ANKRD26: variants seen among roughly 807,000 people sequenced by gnomAD.
ANKRD26 encodes the protein ankyrin repeat domain 26.
In ANKRD26, 141 loss-of-function variants were observed where a neutral mutation model predicts 208.7. The observed-to-expected ratio is 0.68, with a 90% CI of 0.59 to 0.78. ANKRD26 has a LOEUF of 0.78. ANKRD26 is among the 30% of genes least tolerant of loss of function. The pLI, the probability that ANKRD26 is intolerant of heterozygous loss-of-function variation, is 0.00. For missense variants in ANKRD26, 1,889 were observed against 1,938.7 expected (o/e 0.97, Z 0.48); for synonymous variants, 636 against 660.4 (o/e 0.96, Z 0.57).
chr10:27,079,984 T>C (rs1391819028), intron 6 of ANKRD26: 3 of 286,038 alleles, frequency 1.0e-5, no homozygotes, highest in South Asian at 2.7e-5. Flanking sequence ...AGTGAAACTC[T>C]GTCTCTACTA....
chr10:26,977,025 A>G (rs79052675), intron 5 of ANKRD26, among the ~76,000 whole-genome samples: 3,246 of 152,260 alleles, frequency 0.021, 122 homozygotes, highest in African/African-American at 0.073. Context: ...GCAGTTTGGC[A>G]TTTATCAAAC....
At position 27,100,105 on chromosome 10, in the gene ANKRD26, G is replaced by A. The variant is rs2056598572; in HGVS notation, c.222C>T (p.Asn74=). Residue 74 remains asparagine (N), a synonymous_variant, in exon 1 of 34, where the codon AAC becomes AAT. Transcript: ENST00000376087. ...ATTACCTGTTCATCTTGTCTCTATCGTTCAAGCCATTCTTCCTGAGCAAAA... is the reference window on the plus strand; with the variant it reads ...ATTACCTGTTCATCTTGTCTCTATCATTCAAGCCATTCTTCCTGAGCAAAA... ...QILLLRKNGL[N]DRDKMNRTAL... 4 of 1,614,030 alleles carry A rather than the reference G, an allele frequency of 2.5e-6. No homozygotes were observed. Among genetic ancestry groups the A allele is most frequent in the East Asian group, 2.2e-5 (1 of 44,882 alleles).
At chr10:27,032,776 CT>C (rs1281859077) in intron 25 of ANKRD26, among the ~76,000 whole-genome samples, 1 of 151,796 alleles carries the variant, frequency 6.6e-6, no homozygotes, top group Non-Finnish European at 1.5e-5. Context: ...GACAGTGCCA[CT>C]GTACTCCAGC....
intron 11 of ANKRD26, among the ~76,000 whole-genome samples, chr10:27,065,809 A>C (rs921889833): frequency 2.0e-5 from 3 of 149,224 alleles, no homozygotes; most frequent in Non-Finnish European, 3.0e-5. Flanking sequence ...TCATCCATAC[A>C]TAACACAGAA....
Position 27,038,054 on chromosome 10 carries a change from T to A in ANKRD26, c.2376A>T (p.Arg792Ser). The A allele has an allele frequency of 6.2e-7, 1 of 1,607,656 alleles. No individual in the cohort carries two copies. Among genetic ancestry groups the A allele is most frequent in the Non-Finnish European group, 8.5e-7 (1 of 1,178,574 alleles). Residue 792 changes from arginine (R) to serine (S), a missense_variant and splice_region_variant, in exon 22 of 34, where the codon AGA becomes AGT. Physicochemically the swap from Arg to Ser is moderately radical, Grantham distance 110. Around this residue, in one of 3 missense-constraint regions of ANKRD26, gnomAD observed 1,272 missense variants for 1,273.8 expected, o/e 1.00. Coordinates refer to ENST00000376087, the MANE Select transcript of ANKRD26 (RefSeq NM_014915.3). ...TCTCTTCTTCTTGGTTTAAGCTAAA[T>A]CTGCAGTTAAATATGTTTATCTTAA... ...VEWERELCSL[R>S]FSLNQEEEKR...
chr10:26,994,349 T>A (rs989942452), intron 5 of ANKRD26, among the ~76,000 whole-genome samples: 3 of 152,200 alleles, frequency 2.0e-5, no homozygotes, highest in Non-Finnish European at 4.4e-5. Context: ...TCCAATAATA[T>A]TGTTTACACC....
At chr10:26,951,008 CTTTTCT>C in the ANKRD26 span, among the ~76,000 whole-genome samples, 7 of 62,694 alleles carry the variant, frequency 1.1e-4, no homozygotes, top group East Asian at 1.7e-3. Context: ...TTTTTCTTTT[CTTTTCT>C]TTTTCTTTTT....
At chr10:26,994,928 C>T in intron 5 of ANKRD26, 1 of 375,588 alleles carries the variant, frequency 2.7e-6, no homozygotes. Flanking sequence ...GCTACTTCAG[C>T]TGATCTGCCT....
At chr10:26,949,285 C>A in the ANKRD26 span, among the ~76,000 whole-genome samples, 3 of 152,176 alleles carry the variant, frequency 2.0e-5, no homozygotes, top group East Asian at 5.8e-4. Context: ...TACATGTCCT[C>A]ATTTTTTTGG....
chr10:27,005,213 C>A lies in ANKRD26; in HGVS notation c.*377G>T. 1.0e-6 allele frequency: 1 copy of A among 998,998 alleles called. No homozygotes were observed. The highest frequency in any genetic ancestry group is 1.2e-6 in the Non-Finnish European group (1 of 838,712). 61.9% of individuals were successfully genotyped at this position (998,998 alleles called of 1,614,324 possible). ...AATACATCCAAACATGAACAATGAC[C>A]ACAGTTCCTGCACAACAAAATGATG... is the stretch of plus-strand genomic sequence containing the variant. On this transcript the variant is annotated 3_prime_UTR_variant, in exon 34 of 34. Transcript: ENST00000376087.
chr10:26,960,845 C>T, the ANKRD26 span, among the ~76,000 whole-genome samples: 2 of 152,136 alleles, frequency 1.3e-5, no homozygotes, highest in Non-Finnish European at 2.9e-5. Context: ...TGAAGTTACC[C>T]TTCCTGCAGA....
chr10:27,079,126 G>A lies in ANKRD26; in HGVS notation c.776C>T (p.Pro259Leu). The stretch of plus-strand genomic sequence containing the variant: ...ATTGAGGTCTTCGTCATCTGAGGTA[G>A]GCCATGAATCATCAACACCCGGTTT... ...SGKPGVDDSW[P>L]TSDDEDLNFD... is the part of the protein sequence containing the mutation. Residue 259 changes from proline to leucine, a missense_variant, in exon 7 of 34, where the codon CCT becomes CTT. By Grantham distance (98) the Pro-to-Leu change is moderately conservative (BLOSUM62 -3). Transcript: ENST00000376087. 6.2e-7 allele frequency: 1 copy of A among 1,613,798 alleles called. No individual in the cohort carries two copies. The highest frequency in any genetic ancestry group is 1.1e-5 in the South Asian group (1 of 91,076).
chr10:26,978,327 G>A (rs7921708), intron 5 of ANKRD26, among the ~76,000 whole-genome samples: 11,673 of 151,946 alleles, frequency 0.077, 1,444 homozygotes, highest in African/African-American at 0.26. Flanking sequence ...ATGGTGGCAC[G>A]TGCCTGTAGT....
chr10:27,061,689 C>T (rs534059416), intron 12 of ANKRD26, among the ~76,000 whole-genome samples: 2 of 151,520 alleles, frequency 1.3e-5, no homozygotes, highest in African/African-American at 4.8e-5. Context: ...GCCTTAGCCT[C>T]CTGAACAGCC....
chr10:27,005,617 C>A lies in ANKRD26; in HGVS notation c.5106G>T (p.Gln1702His). Residue 1702 changes from glutamine to histidine, a missense_variant, in exon 34 of 34, where the codon CAG becomes CAT. Physicochemically the swap from Gln to His is conservative, Grantham distance 24. This residue lies in a region of ANKRD26 where 613 missense variants were observed against 648.2 expected (regional missense o/e 0.95). Transcript: ENST00000376087. ...AGATCATATAATTTTTCTTTAAAACCTGTACATATTCTCTTGATGCTTTCC... is the reference window on the plus strand; with the variant it reads ...AGATCATATAATTTTTCTTTAAAACATGTACATATTCTCTTGATGCTTTCC... ...LVWKASREYV[Q>H]VLKKNYMI 1 of 1,612,268 alleles carries A rather than the reference C, an allele frequency of 6.2e-7. No homozygotes were observed. Among genetic ancestry groups the A allele is most frequent in the Non-Finnish European group, 8.5e-7 (1 of 1,179,056 alleles).
At chr10:27,002,769 C>T (rs148987515), downstream of ANKRD26, among the ~76,000 whole-genome samples, 5 of 152,186 alleles carry the variant, frequency 3.3e-5, no homozygotes, top group Admixed American at 6.5e-5. Context: ...TTTTTGAACA[C>T]AAAAATAGTG....
chr10:27,059,242 G>A (rs997639471), intron 15 of ANKRD26, among the ~76,000 whole-genome samples: 5 of 152,024 alleles, frequency 3.3e-5, no homozygotes, highest in East Asian at 1.9e-4. Context: ...TTGTTTATCC[G>A]AATGAAGAGA....
intron 28 of ANKRD26, among the ~76,000 whole-genome samples, chr10:27,023,442 AAGT>A: frequency 6.6e-6 from 1 of 151,962 alleles, no homozygotes. Context: ...ATAAGAAGAA[AAGT>A]ACAAAAAAAA....
At chr10:26,965,824 T>C in the ANKRD26 span, among the ~76,000 whole-genome samples, 1 of 151,926 alleles carries the variant, frequency 6.6e-6, no homozygotes, top group Admixed American at 6.6e-5. Flanking sequence ...GGGCAAAGGA[T>C]ATGAACAGAC....
Sources: gnomAD v4.1 joint callset for allele counts (sites outside exome capture counted in the v4.1 genomes callset) on GRCh38, gnomAD v4.1.1 for gene constraint, gnomAD v4.1.1 regional missense constraint, MANE v1.5 for transcripts, NCBI Gene and HGNC (gene_info 2026-07-23, HGNC 2026-07-21) for gene names.